The following CCSER1 variants were observed in gnomAD, a reference collection of about 807,000 sequenced individuals.
The protein encoded by CCSER1 is coiled-coil serine rich protein 1, also known as serine-rich coiled-coil domain-containing protein 1.
A neutral mutation model predicts 82.0 loss-of-function variants in CCSER1; 41 were observed. That is an observed-to-expected ratio of 0.50 (90% CI 0.39 to 0.65). The LOEUF (loss-of-function observed/expected upper bound fraction) is 0.65. Ranked by LOEUF, CCSER1 falls within the 30% of genes least tolerant of loss-of-function variation. The probability of loss-of-function intolerance (pLI) is 0.00; values close to 1 mark genes in which losing one functional copy is unlikely to be tolerated. For missense variants in CCSER1, 1,119 were observed against 1,064.2 expected (o/e 1.05, Z -0.72); for synonymous variants, 414 against 383.9 (o/e 1.08, Z -0.92).
At chr4:91,254,016 C>A (rs1740478259) in intron 10 of CCSER1, among the ~76,000 whole-genome samples, 1 of 152,134 alleles carries the variant, frequency 6.6e-6, no homozygotes, top group Non-Finnish European at 1.5e-5. Flanking sequence ...TTGGGGATTG[C>A]AATTCAACAT....
chr4:90,131,698 A>C (rs886885044), intron 1 of CCSER1, among the ~76,000 whole-genome samples: 1 of 152,178 alleles, frequency 6.6e-6, no homozygotes, highest in Admixed American at 6.5e-5. Flanking sequence ...TAATCTATCC[A>C]TATATTATTT....
At chr4:91,007,282 A>G in intron 9 of CCSER1, among the ~76,000 whole-genome samples, 1 of 152,200 alleles carries the variant, frequency 6.6e-6, no homozygotes, top group Admixed American at 6.5e-5. Flanking sequence ...TGATTTTGGA[A>G]TCAAAGTAAT....
intron 10 of CCSER1, among the ~76,000 whole-genome samples, chr4:91,151,421 C>A (rs1425362937): frequency 6.6e-6 from 1 of 152,080 alleles, no homozygotes; most frequent in African/African-American, 2.4e-5. Flanking sequence ...AAAAAACCAG[C>A]TCCTGGATTC....
At chr4:91,029,490 G>A (rs1185963773) in intron 9 of CCSER1, among the ~76,000 whole-genome samples, 1 of 151,948 alleles carries the variant, frequency 6.6e-6, no homozygotes, top group East Asian at 1.9e-4. Context: ...CTCTATGCTG[G>A]TAGTGTGTTC....
intron 8 of CCSER1, among the ~76,000 whole-genome samples, chr4:90,918,875 C>G (rs1169902784): frequency 6.6e-6 from 1 of 151,632 alleles, no homozygotes; most frequent in African/African-American, 2.4e-5. Flanking sequence ...TCATTGCTAT[C>G]AAAAGGATTT....
intron 3 of CCSER1, among the ~76,000 whole-genome samples, chr4:90,350,193 A>C (rs2153511110): frequency 6.6e-6 from 1 of 152,244 alleles, no homozygotes; most frequent in East Asian, 1.9e-4. Flanking sequence ...GAGGGACTGA[A>C]GAAACTCTTA....
chr4:90,328,900 T>A (rs1043933922), intron 3 of CCSER1, among the ~76,000 whole-genome samples: 2 of 152,154 alleles, frequency 1.3e-5, no homozygotes, highest in Non-Finnish European at 2.9e-5. Context: ...TAAAATACCT[T>A]TAGTGTCTAA....
At position 91,602,871 on chromosome 4, in the gene CCSER1, T is replaced by TTTGA. The variant is rs1764862330; in HGVS notation, c.*3818_*3821dup. ...AGCACCCATTCATTTATACCAGGAT[T>TTTGA]TTGATTGCTATCTAAGACTTGACTT... is the stretch of plus-strand genomic sequence containing the variant. On this transcript the variant is annotated 3_prime_UTR_variant, in exon 11 of 11. Transcript: ENST00000509176. 6.6e-6 allele frequency among the ~76,000 whole-genome samples: 1 copy of TTTGA among 152,080 alleles called. No individual in the cohort carries two copies. Among genetic ancestry groups the TTTGA allele is most frequent in the Non-Finnish European group, 1.5e-5 (1 of 67,956 alleles).
At chr4:91,420,124 C>T (rs2149382221) in intron 10 of CCSER1, among the ~76,000 whole-genome samples, 1 of 152,114 alleles carries the variant, frequency 6.6e-6, no homozygotes, top group East Asian at 1.9e-4. Context: ...GTAAACTCTT[C>T]TTGATATTGG....
rs1163480378 is a variant in CCSER1, at chr4:90,400,069, G to A, written c.1543G>A (p.Asp515Asn). ...VLNNLGSCELDEDDLMLDLEF... is the reference protein window; with the variant it reads ...VLNNLGSCELNEDDLMLDLEF... Reference sequence around the variant, plus strand: ...GAATAATTTGGGATCTTGTGAACTGGATGAAGATGATCTAATGCTTGATCT... The same window carrying A: ...GAATAATTTGGGATCTTGTGAACTGAATGAAGATGATCTAATGCTTGATCT... Residue 515 changes from aspartate (D) to asparagine (N), a missense_variant, in exon 4 of 11, where the codon GAT (aspartate) becomes AAT (asparagine). Coordinates refer to ENST00000509176, the MANE Select transcript of CCSER1 (RefSeq NM_001145065.2). 2 of 1,608,560 alleles carry A rather than the reference G, an allele frequency of 1.2e-6. No individual in the cohort carries two copies. Among genetic ancestry groups the A allele is most frequent in the African/African-American group, 1.3e-5 (1 of 74,940 alleles).
intron 3 of CCSER1, among the ~76,000 whole-genome samples, chr4:90,398,098 A>G (rs2153543057): frequency 6.6e-6 from 1 of 152,222 alleles, no homozygotes; most frequent in African/African-American, 2.4e-5. Flanking sequence ...TTGGCTTGCA[A>G]ATGACCTATC....
At position 91,372,307 on chromosome 4, in the gene CCSER1, A is replaced by C. The variant is rs191342215; in HGVS notation, c.2218-226265A>C. Among the ~76,000 whole-genome samples the C allele has an allele frequency of 3.1e-3, 469 of 152,238 alleles. 2 individuals carry two copies. Among genetic ancestry groups the C allele is most frequent in the African/African-American group, 0.011 (449 of 41,568 alleles). ...AAAATGCACAGTATATACAAGTTTAACCATACATAGGATAATCTCATTCCA... is the reference window on the plus strand; with the variant it reads ...AAAATGCACAGTATATACAAGTTTACCCATACATAGGATAATCTCATTCCA... On this transcript the variant is annotated intron_variant, in intron 10 of 10. Coordinates refer to ENST00000509176, the MANE Select transcript of CCSER1 (RefSeq NM_001145065.2).
chr4:91,176,009 A>C (rs1219633177), intron 10 of CCSER1, among the ~76,000 whole-genome samples: 2 of 152,190 alleles, frequency 1.3e-5, no homozygotes, highest in African/African-American at 4.8e-5. Flanking sequence ...TTTAAGGTGT[A>C]AGGAAGGGAT....
At chr4:90,642,226 A>T (rs1456390128) in intron 6 of CCSER1, 2 of 157,394 alleles carry the variant, frequency 1.3e-5, no homozygotes, top group Admixed American at 1.3e-4. Flanking sequence ...TTTGTTTGAA[A>T]ATCAGAATCA....
chr4:90,422,254 T>G (rs1261018678), intron 4 of CCSER1, among the ~76,000 whole-genome samples: 5 of 152,194 alleles, frequency 3.3e-5, no homozygotes, highest in Admixed American at 6.5e-5. Flanking sequence ...TGTCCACTCC[T>G]TGGCCAGTGG....
At chr4:91,432,290 T>A (rs1754375356) in intron 10 of CCSER1, among the ~76,000 whole-genome samples, 1 of 152,240 alleles carries the variant, frequency 6.6e-6, no homozygotes, top group African/African-American at 2.4e-5. Flanking sequence ...GATAATGGAC[T>A]ACTACAATAA....
chr4:91,110,876 A>C (rs1048673691), intron 10 of CCSER1, among the ~76,000 whole-genome samples: 2 of 151,708 alleles, frequency 1.3e-5, no homozygotes, highest in South Asian at 4.2e-4. Context: ...CATATATTAT[A>C]TTTTGGGGTC....
intron 3 of CCSER1, among the ~76,000 whole-genome samples, chr4:90,335,573 T>C (rs1740227196): frequency 1.3e-5 from 2 of 152,212 alleles, no homozygotes; most frequent in African/African-American, 2.4e-5. Flanking sequence ...TTTTCCCTTT[T>C]CTTTTTTAGC....
chr4:90,805,979 C>T (rs984941805), intron 7 of CCSER1, among the ~76,000 whole-genome samples: 1 of 152,112 alleles, frequency 6.6e-6, no homozygotes, highest in Admixed American at 6.5e-5. Context: ...TTGCTATCAA[C>T]CCTCATTTGA....
Sources: allele counts gnomAD v4.1 joint callset (sites outside exome capture counted in the v4.1 genomes callset), GRCh38; gene constraint gnomAD v4.1.1; transcripts MANE v1.5; gene names NCBI Gene and HGNC (gene_info 2026-07-23, HGNC 2026-07-21).